TSPAN9: variants seen among roughly 807,000 people sequenced by gnomAD.
TSPAN9 encodes the protein tetraspanin-9.
Under a neutral mutation model 31.0 loss-of-function variants are expected in TSPAN9, and 16 were observed. That is an observed-to-expected ratio of 0.52 (90% CI 0.35 to 0.78). The LOEUF is 0.78. Ranked by LOEUF, TSPAN9 falls within the 30% of genes least tolerant of loss-of-function variation. The pLI is 0.01. For missense variants in TSPAN9, 272 were observed against 312.5 expected (o/e 0.87, Z 0.98); for synonymous variants, 145 against 121.6 (o/e 1.19, Z -1.27).
intron 3 of TSPAN9, among the ~76,000 whole-genome samples, chr12:3,234,973 A>G (rs959922803): frequency 2.7e-5 from 4 of 149,770 alleles, no homozygotes; most frequent in Non-Finnish European, 3.0e-5. Flanking sequence ...ATCCTGGCTA[A>G]CACGGTGAAA....
chr12:3,165,576 A>G (rs1376736704), intron 2 of TSPAN9, among the ~76,000 whole-genome samples: 1 of 152,156 alleles, frequency 6.6e-6, no homozygotes, highest in East Asian at 1.9e-4. Context: ...AGGGTCACGG[A>G]GTGTTTCTCC....
intron 2 of TSPAN9, among the ~76,000 whole-genome samples, chr12:3,195,414 T>C (rs2098366557): frequency 6.6e-6 from 1 of 152,132 alleles, no homozygotes; most frequent in African/African-American, 2.4e-5. Flanking sequence ...CTGTAGTTAC[T>C]TCACTTTTTT....
chr12:3,236,654 GCGGGGGTAGAGAAGAGA>G (rs2098393896), intron 3 of TSPAN9, among the ~76,000 whole-genome samples: 1 of 152,186 alleles, frequency 6.6e-6, no homozygotes, highest in Non-Finnish European at 1.5e-5. Context: ...AAAAATGGAG[GCGGGGGTAGAGAAGAGA>G]CGAGTAAGCC....
intron 3 of TSPAN9, among the ~76,000 whole-genome samples, chr12:3,247,321 C>G (rs1410824199): frequency 7.6e-6 from 1 of 131,160 alleles, no homozygotes; most frequent in African/African-American, 2.8e-5. Flanking sequence ...CCGCCACCCG[C>G]GTCCCCAAGT....
chr12:3,117,001 G>A (rs1168268697), intron 2 of TSPAN9, among the ~76,000 whole-genome samples: 1 of 152,242 alleles, frequency 6.6e-6, no homozygotes, highest in Non-Finnish European at 1.5e-5. Flanking sequence ...CTGAGTGTCA[G>A]AAGAGTTATT....
Position 3,118,262 on chromosome 12 carries a change from T to TTTTTTTTTTTTTTG in TSPAN9, c.-18+34556_-18+34557insGTTTTTTTTTTTTT, listed in dbSNP as rs2098323462. Among the ~76,000 whole-genome samples, 2 of 85,434 alleles carry TTTTTTTTTTTTTTG rather than the reference T, an allele frequency of 2.3e-5. 1 individual carries two copies. Among genetic ancestry groups the TTTTTTTTTTTTTTG allele is most frequent in the Non-Finnish European group, 4.4e-5 (2 of 45,438 alleles). The allele number at this position is 85,434 out of a possible 152,430, so 56.0% of individuals were successfully genotyped here. A position where few individuals can be genotyped will look rare whatever the true frequency, so the allele number is the denominator to read the frequency against. Reference sequence around the variant, plus strand: ...CACCGCCCCTGCACCCGCCGTTTTTTTTTTTTTTTTTTTTTTTTGAGATGG... The same window carrying TTTTTTTTTTTTTTG: ...CACCGCCCCTGCACCCGCCGTTTTTTTTTTTTTTTTTTTGTTTTTTTTTTTTTTTTTTGAGATGG... On this transcript the variant is annotated intron_variant, in intron 2 of 8. Coordinates refer to ENST00000011898, the MANE Select transcript of TSPAN9 (RefSeq NM_006675.5).
chr12:3,175,391 G>A (rs1032908596), intron 2 of TSPAN9, among the ~76,000 whole-genome samples: 2 of 152,198 alleles, frequency 1.3e-5, no homozygotes, highest in Non-Finnish European at 2.9e-5. Flanking sequence ...GGCAGCCCCT[G>A]TGAGCTGCAG....
intron 2 of TSPAN9, among the ~76,000 whole-genome samples, chr12:3,166,246 CATTT>C (rs1225897683): frequency 7.9e-5 from 12 of 152,144 alleles, no homozygotes; most frequent in African/African-American, 4.8e-5. Context: ...ATTTAATAGA[CATTT>C]ATATTTTAAT....
Position 3,268,585 on chromosome 12 carries a change from C to CCT in TSPAN9, c.64-9836_64-9835insCT, listed in dbSNP as rs1170300226. Among the ~76,000 whole-genome samples, 128 of 88,448 alleles carry CCT rather than the reference C, an allele frequency of 1.4e-3. 1 individual carries two copies. Among genetic ancestry groups the CCT allele is most frequent in the African/African-American group, 4.7e-3 (102 of 21,648 alleles). 58.0% of individuals were successfully genotyped at this position (88,448 alleles called of 152,430 possible). ...CTCTGTGTTCCTGCAGCCTGCCCTC[C>CCT]GTGCATTCCTGCAGCCTGCCCTCCC... On this transcript the variant is annotated intron_variant, in intron 3 of 8. Transcript: ENST00000011898.
At chr12:3,194,136 C>G (rs2098365931) in intron 2 of TSPAN9, among the ~76,000 whole-genome samples, 1 of 152,176 alleles carries the variant, frequency 6.6e-6, no homozygotes, top group South Asian at 2.1e-4. Context: ...TCCAGCACTT[C>G]CTGAGTACCT....
intron 2 of TSPAN9, among the ~76,000 whole-genome samples, chr12:3,132,974 G>A (rs1222504142): frequency 1.3e-5 from 2 of 152,156 alleles, no homozygotes; most frequent in Admixed American, 6.5e-5. Context: ...CTCGAGAGGC[G>A]TTGTAAGAGC....
intron 2 of TSPAN9, among the ~76,000 whole-genome samples, chr12:3,138,648 A>C (rs113572996): frequency 0.97 from 147,280 of 151,428 alleles, 71,762 homozygotes; most frequent in South Asian, 1. Context: ...AAAAAAAAGG[A>C]CTTTTTTTTC....
intron 3 of TSPAN9, among the ~76,000 whole-genome samples, chr12:3,224,925 A>G (rs3782818): frequency 0.38 from 58,509 of 151,976 alleles, 11,643 homozygotes; most frequent in Non-Finnish European, 0.44. Context: ...CAGGGCGGCC[A>G]CGCTCCCATG....
In TSPAN9 at chr12:3,280,488, G is replaced by A. The variant is rs774771969; in HGVS notation, c.432+5G>A. On this transcript the variant is annotated splice_donor_5th_base_variant and intron_variant, in intron 6 of 8. Coordinates refer to ENST00000011898, the MANE Select transcript of TSPAN9 (RefSeq NM_006675.5). The surrounding 1 kb of genome is among the most constrained non-coding windows in gnomAD (Gnocchi z 4.5). ...TGGAACATCATCCAGGCTGAGGTGC[G>A]GGCTGGGCCGCCCTGGTGGGGCCAG... The A allele has an allele frequency of 1.4e-5, 23 of 1,610,172 alleles. No individual in the cohort carries two copies. The highest frequency in any genetic ancestry group is 9.3e-5 in the African/African-American group (7 of 74,900).
chr12:3,234,095 C>G (rs1160969573), intron 3 of TSPAN9, among the ~76,000 whole-genome samples: 1 of 152,162 alleles, frequency 6.6e-6, no homozygotes, highest in Non-Finnish European at 1.5e-5. Flanking sequence ...CCCTGCTTTC[C>G]CATCCTGGAA....
At chr12:3,243,640 G>T (rs900464269) in intron 3 of TSPAN9, among the ~76,000 whole-genome samples, 1 of 152,146 alleles carries the variant, frequency 6.6e-6, no homozygotes, top group African/African-American at 2.4e-5. Flanking sequence ...GCCAGGCATC[G>T]GCCCTCCTGC....
intron 3 of TSPAN9, among the ~76,000 whole-genome samples, chr12:3,247,612 T>C (rs1289988029): frequency 1.3e-5 from 2 of 152,184 alleles, no homozygotes; most frequent in Non-Finnish European, 2.9e-5. Context: ...TGACTTTGCC[T>C]GTGAGCCAGT....
At chr12:3,198,262 C>T (rs1216947401) in intron 2 of TSPAN9, among the ~76,000 whole-genome samples, 11 of 109,180 alleles carry the variant, frequency 1.0e-4, no homozygotes, top group East Asian at 5.6e-4. Flanking sequence ...CAGCTCACCA[C>T]CAGCACAGGC....
At chr12:3,269,392 G>A (rs1312633948) in intron 3 of TSPAN9, among the ~76,000 whole-genome samples, 5 of 94,290 alleles carry the variant, frequency 5.3e-5, no homozygotes, top group Admixed American at 2.2e-4. Flanking sequence ...CCCTCCGTGC[G>A]TTCCTGCAGC....
Sources: allele counts gnomAD v4.1 joint callset (sites outside exome capture counted in the v4.1 genomes callset), GRCh38; gene constraint gnomAD v4.1.1; non-coding constraint Gnocchi (gnomAD v3.1); transcripts MANE v1.5; gene names NCBI Gene and HGNC (gene_info 2026-07-23, HGNC 2026-07-21).